Variants in EPHA6 observed in about 807,000 individuals in gnomAD.
EPHA6 encodes the protein EPH receptor A6.
A neutral mutation model predicts 112.0 loss-of-function variants in EPHA6; 50 were observed. The observed-to-expected ratio is 0.45, with a 90% CI of 0.36 to 0.56. EPHA6 has a LOEUF of 0.56. Ranked by LOEUF, EPHA6 falls within the 20% of genes least tolerant of loss-of-function variation. EPHA6 has a pLI of 0.00. For synonymous variants in EPHA6, 529 were observed against 490.7 expected (o/e 1.08, Z -1.03); for missense variants, 1,280 against 1,417.4 (o/e 0.90, Z 1.56).
intron 5 of EPHA6, among the ~76,000 whole-genome samples, chr3:97,402,536 G>T (rs75647776): frequency 0.012 from 1,784 of 152,074 alleles, 36 homozygotes; most frequent in African/African-American, 0.04. Flanking sequence ...TCTTTACAGT[G>T]AAATGAGTTT....
At chr3:97,502,462 C>T (rs1013349801) in intron 10 of EPHA6, among the ~76,000 whole-genome samples, 3 of 151,800 alleles carry the variant, frequency 2.0e-5, no homozygotes, top group Admixed American at 6.6e-5. Context: ...AGCCACCGTG[C>T]CCGGGCAAGT....
intron 13 of EPHA6, among the ~76,000 whole-genome samples, chr3:97,636,138 G>T (rs899160266): frequency 6.6e-6 from 1 of 151,538 alleles, no homozygotes; most frequent in Non-Finnish European, 1.5e-5. Context: ...ACAGACACTC[G>T]AGTTTTCAGG....
intron 1 of EPHA6, among the ~76,000 whole-genome samples, chr3:96,866,622 C>T (rs1456903383): frequency 1.3e-5 from 2 of 151,474 alleles, no homozygotes; most frequent in Non-Finnish European, 3.0e-5. Context: ...TTTCTAAATA[C>T]TTTATGCATT....
chr3:97,624,508 T>C (rs1169952446), intron 13 of EPHA6, among the ~76,000 whole-genome samples: 2 of 151,608 alleles, frequency 1.3e-5, no homozygotes, highest in Admixed American at 6.6e-5. Context: ...TCTATAGTAA[T>C]GTGGGGGTTT....
At chr3:96,870,711 TA>T in intron 2 of EPHA6, among the ~76,000 whole-genome samples, 1 of 152,160 alleles carries the variant, frequency 6.6e-6, no homozygotes, top group East Asian at 1.9e-4. Context: ...ATTTTTATAA[TA>T]AAAGAAGCAG....
chr3:97,666,032 G>C (rs1251950557), intron 14 of EPHA6, among the ~76,000 whole-genome samples: 2 of 151,544 alleles, frequency 1.3e-5, no homozygotes, highest in African/African-American at 2.4e-5. Context: ...ACTCCAGCTG[G>C]GGAGACAGTG....
chr3:97,200,014 G>A (rs137963327), intron 3 of EPHA6, among the ~76,000 whole-genome samples: 95 of 152,150 alleles, frequency 6.2e-4, no homozygotes, highest in African/African-American at 2.2e-3. Context: ...ATCTCAAATA[G>A]GGGTTATAGA....
chr3:97,025,197 A>T (rs376242030), intron 3 of EPHA6, among the ~76,000 whole-genome samples: 1 of 152,184 alleles, frequency 6.6e-6, no homozygotes, highest in African/African-American at 2.4e-5. Context: ...TTAGTAAAGC[A>T]CCTCTCACTT....
chr3:97,002,369 A>G (rs1576298268), intron 3 of EPHA6, among the ~76,000 whole-genome samples: 1 of 149,500 alleles, frequency 6.7e-6, no homozygotes, highest in East Asian at 2.0e-4. Context: ...AATAAATAGC[A>G]TACCTTACTT....
chr3:97,135,766 G>T (rs563473041), intron 3 of EPHA6, among the ~76,000 whole-genome samples: 1 of 148,440 alleles, frequency 6.7e-6, no homozygotes, highest in South Asian at 2.1e-4. Flanking sequence ...GCCAAAAAAG[G>T]CCCACAGATT....
intron 1 of EPHA6, among the ~76,000 whole-genome samples, chr3:96,830,284 A>G (rs1256821728): frequency 6.6e-6 from 1 of 152,102 alleles, no homozygotes; most frequent in African/African-American, 2.4e-5. Context: ...AAACTCGAAC[A>G]TGTTTTATAT....
intron 3 of EPHA6, among the ~76,000 whole-genome samples, chr3:97,097,557 T>TC (rs2047278275): frequency 1.3e-5 from 2 of 151,782 alleles, no homozygotes; most frequent in South Asian, 4.1e-4. Flanking sequence ...TTCTTTTTTT[T>TC]TTAAATGGAA....
At chr3:97,637,833 TTAAAA>T in intron 13 of EPHA6, 35 bp from the exon 14 acceptor site, 2 of 1,494,618 alleles carry the variant, frequency 1.3e-6, no homozygotes, top group Non-Finnish European at 1.9e-6. Context: ...ACACACTGCA[TTAAAA>T]TAAATCAATT....
intron 2 of EPHA6, among the ~76,000 whole-genome samples, chr3:96,879,078 A>G (rs1240566529): frequency 1.3e-5 from 2 of 152,056 alleles, no homozygotes; most frequent in African/African-American, 4.8e-5. Flanking sequence ...ATTGTCTATT[A>G]TTAGGTTTAA....
intron 14 of EPHA6, among the ~76,000 whole-genome samples, chr3:97,664,471 G>T (rs897543432): frequency 6.6e-6 from 1 of 152,064 alleles, no homozygotes; most frequent in Non-Finnish European, 1.5e-5. Context: ...TTCTGGCCAG[G>T]GCAATCAGGC....
At chr3:96,889,148 A>G (rs1437470717) in intron 2 of EPHA6, among the ~76,000 whole-genome samples, 2 of 152,310 alleles carry the variant, frequency 1.3e-5, no homozygotes, top group Non-Finnish European at 2.9e-5. Context: ...TTTACTGTAC[A>G]TATCACTGTC....
chr3:97,467,730 A>G (rs2091102669), intron 7 of EPHA6, among the ~76,000 whole-genome samples: 1 of 151,796 alleles, frequency 6.6e-6, no homozygotes, highest in African/African-American at 2.4e-5. Context: ...TACAAATTAC[A>G]TCTTTGACAT....
In EPHA6 at chr3:96,957,926, G is replaced by A. The variant is rs150914254; in HGVS notation, c.451-29404G>A. On this transcript the variant is annotated intron_variant, in intron 2 of 17. Transcript: ENST00000389672. ...AAACTGAAATATTTGACCAAAAGAC[G>A]TAGAGAAAATGTGGTAAAGTTGCAC... 4.0e-3 allele frequency among the ~76,000 whole-genome samples: 603 copies of A among 152,216 alleles called. 1 individual carries two copies. The highest frequency in any genetic ancestry group is 6.4e-3 in the Non-Finnish European group (432 of 68,006).
At chr3:96,982,898 A>G (rs71623010) in intron 2 of EPHA6, among the ~76,000 whole-genome samples, 2 of 151,374 alleles carry the variant, frequency 1.3e-5, no homozygotes, top group Admixed American at 1.3e-4. Flanking sequence ...TTTGTTTTCC[A>G]TTTGCTTGGT....
Sources: gnomAD v4.1 joint callset for allele counts (sites outside exome capture counted in the v4.1 genomes callset) on GRCh38, gnomAD v4.1.1 for gene constraint, MANE v1.5 for transcripts, NCBI Gene and HGNC (gene_info 2026-07-23, HGNC 2026-07-21) for gene names.